Variants in SCP2 observed in about 807,000 individuals in gnomAD.
SCP2 encodes sterol carrier protein 2.
SCP2 carries 48 observed loss-of-function variants against 71.4 expected under a neutral mutation model. The observed-to-expected ratio is 0.67, with a 90% CI of 0.53 to 0.86. The LOEUF (loss-of-function observed/expected upper bound fraction) is 0.86, where lower values mean the gene tolerates loss of function less well. Ranked by LOEUF, SCP2 falls within the 40% of genes least tolerant of loss-of-function variation. The pLI is 0.00. For missense variants in SCP2, 560 were observed against 655.6 expected, an observed-to-expected ratio of 0.85 and a Z score of 1.59; for synonymous variants, 220 against 218.1, an observed-to-expected ratio of 1.01 and a Z score of -0.08.
At chr1:52,971,975 G>C (rs1249582101) in intron 6 of SCP2, among the ~76,000 whole-genome samples, 1 of 152,198 alleles carries the variant, frequency 6.6e-6, no homozygotes, top group African/African-American at 2.4e-5. Flanking sequence ...TTAGCCTCAG[G>C]AGAGAATGGG....
At chr1:53,002,072 T>A (rs1660350967) in intron 11 of SCP2, among the ~76,000 whole-genome samples, 1 of 151,606 alleles carries the variant, frequency 6.6e-6, no homozygotes, top group Non-Finnish European at 1.5e-5. Context: ...TAGTCCCAGC[T>A]ACTCAGGAGG....
At chr1:53,018,879 G>T (rs928822423) in intron 12 of SCP2, among the ~76,000 whole-genome samples, 6 of 152,056 alleles carry the variant, frequency 3.9e-5, no homozygotes, top group African/African-American at 1.4e-4. Flanking sequence ...CCTGTCAGGA[G>T]AAATCCCTAA....
chr1:52,941,654 G>A, intron 1 of SCP2, 142 bp from the exon 2 acceptor site: 1 of 535,276 alleles, frequency 1.9e-6, no homozygotes. Flanking sequence ...AGAATGGCTT[G>A]AACCCAGGAG....
intron 5 of SCP2, among the ~76,000 whole-genome samples, chr1:52,961,066 CT>C (rs774047289): frequency 0.056 from 5,189 of 92,186 alleles, 254 homozygotes; most frequent in East Asian, 0.2. Flanking sequence ...TCCTTTGGTT[CT>C]TTTTTTTTTT....
chr1:53,030,329 T>G (rs1482558986), intron 13 of SCP2, among the ~76,000 whole-genome samples: 1 of 152,202 alleles, frequency 6.6e-6, no homozygotes, highest in Non-Finnish European at 1.5e-5. Flanking sequence ...CACTCATATT[T>G]AAGTATTTAA....
At chr1:52,988,195 A>T in intron 11 of SCP2, 59 bp downstream of exon 11, 1 of 860,440 alleles carries the variant, frequency 1.2e-6, no homozygotes. Flanking sequence ...AGTGTGAATG[A>T]GTTAGTCTTT....
intron 13 of SCP2, among the ~76,000 whole-genome samples, chr1:53,033,731 C>T (rs969903979): frequency 6.6e-6 from 1 of 151,728 alleles, no homozygotes; most frequent in Non-Finnish European, 1.5e-5. Context: ...AGCATTGTGA[C>T]ATGATGTAGC....
chr1:52,973,008 T>C (rs568125118), intron 6 of SCP2, among the ~76,000 whole-genome samples: 1 of 152,348 alleles, frequency 6.6e-6, no homozygotes, highest in East Asian at 1.9e-4. Flanking sequence ...TCCATCCTAT[T>C]GATAGACCTT....
chr1:52,967,327 A>T (rs984059767), intron 6 of SCP2, among the ~76,000 whole-genome samples: 18 of 143,024 alleles, frequency 1.3e-4, no homozygotes, highest in African/African-American at 4.3e-4. Flanking sequence ...TTGGTAATCT[A>T]TTTTTTTTTT....
At chr1:52,993,165 C>T (rs1274160867) in intron 11 of SCP2, 9 of 1,609,774 alleles carry the variant, frequency 5.6e-6, no homozygotes, top group Non-Finnish European at 7.7e-6. Context: ...AGGGCTTTTC[C>T]TGGCAGTTGG....
At chr1:53,006,407 C>T (rs1295527782) in intron 11 of SCP2, among the ~76,000 whole-genome samples, 5 of 152,178 alleles carry the variant, frequency 3.3e-5, no homozygotes, top group Middle Eastern at 6.8e-3. Context: ...CAAAGGGAAG[C>T]CCAACAGACT....
At chr1:52,935,585 G>C (rs1653652862) in intron 1 of SCP2, among the ~76,000 whole-genome samples, 1 of 92,862 alleles carries the variant, frequency 1.1e-5, no homozygotes, top group Non-Finnish European at 2.4e-5. Context: ...GCGAGACTCA[G>C]TCAAAAAAAA....
intron 11 of SCP2, chr1:52,995,164 T>G (rs1659837143): frequency 2.0e-6 from 1 of 491,502 alleles, no homozygotes; most frequent in Admixed American, 2.3e-5. Context: ...GGGTACTCTC[T>G]TTATCAGCAA....
intron 9 of SCP2, 53 bp from the exon 10 acceptor site, chr1:52,980,343 G>A (rs1053812403): frequency 6.5e-7 from 1 of 1,540,632 alleles, no homozygotes; most frequent in Non-Finnish European, 8.9e-7. Context: ...TAAAATACTT[G>A]TTTAAAAGGC....
At chr1:53,048,169 A>G in intron 15 of SCP2, 1 of 477,760 alleles carries the variant, frequency 2.1e-6, no homozygotes, top group Non-Finnish European at 3.9e-6. Context: ...ACAGATGTGT[A>G]AAAGAGTCAG....
At chr1:52,976,160 C>G (rs938057576) in intron 7 of SCP2, among the ~76,000 whole-genome samples, 7 of 152,164 alleles carry the variant, frequency 4.6e-5, no homozygotes, top group South Asian at 2.1e-4. Flanking sequence ...CCGGATACAT[C>G]AAGACGTTCA....
Position 53,015,011 on chromosome 1 carries a change from A to T in SCP2, c.1203A>T (p.Thr401=). ...NLGIGGAVVV[T]LYKMGFPEAA... The stretch of plus-strand genomic sequence containing the variant: ...GCATTGGAGGAGCTGTGGTTGTAAC[A>T]CTCTACAAGATGGGTTTTCCGGAAG... Residue 401 remains threonine (T), a synonymous_variant, in exon 12 of 16, where the codon ACA becomes ACT. Coordinates refer to ENST00000371514, the MANE Select transcript of SCP2 (RefSeq NM_002979.5). 2 of 1,614,098 alleles carry T rather than the reference A, an allele frequency of 1.2e-6. No individual in the cohort carries two copies. Among genetic ancestry groups the T allele is most frequent in the Non-Finnish European group, 8.5e-7 (1 of 1,180,020 alleles).
intron 13 of SCP2, among the ~76,000 whole-genome samples, chr1:53,030,144 T>TGGC (rs1238132633): frequency 6.6e-6 from 1 of 152,160 alleles, no homozygotes; most frequent in Non-Finnish European, 1.5e-5. Context: ...CACCTTGGCC[T>TGGC]CCCAAAGTGC....
intron 13 of SCP2, among the ~76,000 whole-genome samples, chr1:53,034,706 T>G (rs533799642): frequency 5.9e-5 from 9 of 152,214 alleles, no homozygotes; most frequent in Non-Finnish European, 1.0e-4. Flanking sequence ...GGTTAGTATC[T>G]AATGTCAGTT....
Sources: gnomAD v4.1 joint callset for allele counts (sites outside exome capture counted in the v4.1 genomes callset) on GRCh38, gnomAD v4.1.1 for gene constraint, MANE v1.5 for transcripts, NCBI Gene and HGNC (gene_info 2026-07-23, HGNC 2026-07-21) for gene names.